The following RREB1 variants were observed in gnomAD, a reference collection of about 807,000 sequenced individuals.
The protein encoded by RREB1 is ras responsive element binding protein 1.
RREB1 carries 27 observed loss-of-function variants against 117.8 expected under a neutral mutation model. That is an observed-to-expected ratio of 0.23 (90% CI 0.17 to 0.32). The LOEUF is 0.32. Ranked by LOEUF, RREB1 falls within the 10% of genes least tolerant of loss-of-function variation. The pLI, the probability that RREB1 is intolerant of heterozygous loss-of-function variation, is 1.00. For synonymous variants in RREB1, 1,298 were observed against 1,026.7 expected (o/e 1.26, Z -5.05); for missense variants, 2,577 against 2,378.2 (o/e 1.08, Z -1.74).
chr6:7,137,166 C>G (rs539181343), intron 1 of RREB1, among the ~76,000 whole-genome samples: 27 of 152,314 alleles, frequency 1.8e-4, no homozygotes, highest in African/African-American at 5.8e-4. Flanking sequence ...GTTGAGCAGT[C>G]CTGTCCCCTG....
chr6:7,139,689 A>G (rs2113379434), intron 1 of RREB1, among the ~76,000 whole-genome samples: 1 of 152,358 alleles, frequency 6.6e-6, no homozygotes, highest in African/African-American at 2.4e-5. Context: ...TTCTGTAAAA[A>G]CAAAATCTGT....
intron 6 of RREB1, among the ~76,000 whole-genome samples, chr6:7,199,428 T>G (rs937583179): frequency 1.3e-5 from 2 of 152,130 alleles, no homozygotes; most frequent in African/African-American, 4.8e-5. Context: ...TTTACTAAAG[T>G]GAGAAAATAG....
chr6:7,242,987 T>C (rs1017525424), intron 11 of RREB1, among the ~76,000 whole-genome samples: 1 of 152,210 alleles, frequency 6.6e-6, no homozygotes, highest in Non-Finnish European at 1.5e-5. Flanking sequence ...CCCTTGGTCC[T>C]TCCTCCGATG....
At chr6:7,142,217 A>C (rs573322439) in intron 1 of RREB1, among the ~76,000 whole-genome samples, 1 of 137,728 alleles carries the variant, frequency 7.3e-6, no homozygotes, top group South Asian at 2.2e-4. Context: ...CTCCGTCTTA[A>C]TTTAAAAAAA....
chr6:7,201,841 C>T (rs1156339183), intron 6 of RREB1, among the ~76,000 whole-genome samples: 2 of 152,086 alleles, frequency 1.3e-5, no homozygotes, highest in Non-Finnish European at 2.9e-5. Flanking sequence ...CTGAGGTCTG[C>T]CATGCTGCAG....
chr6:7,171,047 A>C (rs1764182263), intron 1 of RREB1, among the ~76,000 whole-genome samples: 3 of 152,190 alleles, frequency 2.0e-5, no homozygotes, highest in Admixed American at 6.5e-5. Context: ...GGTCTGTAGT[A>C]GTTAATTTCT....
Position 7,238,218 on chromosome 6 carries a change from GA to G in RREB1, c.3809-2215del, listed in dbSNP as rs367945557. Among the ~76,000 whole-genome samples the G allele has an allele frequency of 9.5e-4, 145 of 152,218 alleles. 5 individuals are homozygous for G. In the South Asian group the frequency reaches 0.029, roughly 31 times the overall value. On this transcript the variant is annotated intron_variant, in intron 10 of 12. Transcript: ENST00000379938. ...TTAAATACTGTGTTCAATTTTAAATGAAAAACAATAAGTAATTTTTTTCATT... is the reference window on the plus strand; with the variant it reads ...TTAAATACTGTGTTCAATTTTAAATGAAAACAATAAGTAATTTTTTTCATT...
rs181425504 is a variant in RREB1, at chr6:7,178,570, T to C, written c.-166+1797T>C. The stretch of plus-strand genomic sequence containing the variant: ...TGTGGTCCTGAAGGAAGAACTCAAA[T>C]AGAAGACATAAGAACAAACTGAAGT... On this transcript the variant is annotated intron_variant, in intron 2 of 12. Transcript: ENST00000379938. 5.9e-5 allele frequency among the ~76,000 whole-genome samples: 9 copies of C among 152,344 alleles called. No individual in the cohort carries two copies. The East Asian group carries it at 1.7e-3, about 29-fold the overall frequency.
chr6:7,226,788 C>A (rs538864660), intron 9 of RREB1, 132 bp downstream of exon 9: 1 of 717,488 alleles, frequency 1.4e-6, no homozygotes, highest in Non-Finnish European at 2.4e-6. Context: ...TTTTGTAACA[C>A]CTTTTTTCTT....
intron 1 of RREB1, among the ~76,000 whole-genome samples, chr6:7,141,635 A>G (rs1329677016): frequency 6.6e-6 from 1 of 152,250 alleles, no homozygotes; most frequent in Non-Finnish European, 1.5e-5. Context: ...TTTCAGAATA[A>G]AAACATGTAG....
intron 11 of RREB1, among the ~76,000 whole-genome samples, chr6:7,243,941 G>T (rs564972766): frequency 6.6e-6 from 1 of 152,056 alleles, no homozygotes; most frequent in African/African-American, 2.4e-5. Flanking sequence ...GGGACAAAGG[G>T]GAAGTAACCA....
chr6:7,160,616 C>A (rs1215974389), intron 1 of RREB1, among the ~76,000 whole-genome samples: 3 of 152,140 alleles, frequency 2.0e-5, no homozygotes, highest in Non-Finnish European at 4.4e-5. Flanking sequence ...CTCAAACAAT[C>A]CTCCCGGTTC....
intron 6 of RREB1, among the ~76,000 whole-genome samples, chr6:7,201,500 C>A (rs1016373272): frequency 2.1e-5 from 3 of 141,022 alleles, no homozygotes; most frequent in African/African-American, 5.3e-5. Flanking sequence ...ATTGTCCCCC[C>A]CCCCCAACCC....
chr6:7,116,248 A>G (rs1449375260), intron 1 of RREB1, among the ~76,000 whole-genome samples: 1 of 151,890 alleles, frequency 6.6e-6, no homozygotes, highest in Non-Finnish European at 1.5e-5. Context: ...ACTCTCTTCT[A>G]CCCCACTGCC....
intron 9 of RREB1, among the ~76,000 whole-genome samples, chr6:7,227,050 G>A (rs1767624341): frequency 6.6e-6 from 1 of 152,056 alleles, no homozygotes; most frequent in Non-Finnish European, 1.5e-5. Flanking sequence ...AGACCTGCCT[G>A]GACAGCACAG....
chr6:7,204,108 AGGGCT>A (rs1379556586), intron 6 of RREB1, among the ~76,000 whole-genome samples: 3 of 152,198 alleles, frequency 2.0e-5, no homozygotes, highest in Admixed American at 2.0e-4. Context: ...GATTTTTCTA[AGGGCT>A]GGCTTTGGAG....
chr6:7,189,590 G>A (rs1301356609), intron 6 of RREB1, among the ~76,000 whole-genome samples: 2 of 152,152 alleles, frequency 1.3e-5, no homozygotes, highest in Admixed American at 6.5e-5. Context: ...GTTTGTTTGG[G>A]TGCTAGAAGT....
At position 7,230,225 on chromosome 6, in the gene RREB1, C is replaced by T; in HGVS notation, c.2126C>T (p.Thr709Ile). 1 of 1,604,496 alleles carries T rather than the reference C, an allele frequency of 6.2e-7. No homozygotes were observed. The highest frequency in any genetic ancestry group is 8.5e-7 in the Non-Finnish European group (1 of 1,179,910). The change falls in exon 10 of 13, where the codon ACT (threonine) becomes ATT (isoleucine). Residue 709 changes from threonine to isoleucine, a missense_variant. By Grantham distance (89) the Thr-to-Ile change is moderately conservative (BLOSUM62 -1). Coordinates refer to ENST00000379938, the MANE Select transcript of RREB1 (RefSeq NM_001003699.4). ...TGCAAGATCTGCCACTACCCCTTCA[C>T]TGTCAAAGCCAACTGCGAGCGGCAC... ...YICKICHYPF[T>I]VKANCERHLR...
chr6:7,162,745 G>A (rs551978979), intron 1 of RREB1, among the ~76,000 whole-genome samples: 16 of 152,172 alleles, frequency 1.1e-4, no homozygotes, highest in African/African-American at 3.4e-4. Context: ...CTCTGCCTAC[G>A]GATTGGATAC....
Sources: gnomAD v4.1 joint callset for allele counts (sites outside exome capture counted in the v4.1 genomes callset) on GRCh38, gnomAD v4.1.1 for gene constraint, MANE v1.5 for transcripts, NCBI Gene and HGNC (gene_info 2026-07-23, HGNC 2026-07-21) for gene names.